Variants in PSMA8 observed in about 807,000 individuals in gnomAD.
PSMA8 encodes the protein proteasome 20S subunit alpha 8.
Under a neutral mutation model 32.4 loss-of-function variants are expected in PSMA8, and 18 were observed. The ratio of observed to expected loss-of-function variants is 0.56; its 90% CI spans 0.38 to 0.82. The LOEUF (loss-of-function observed/expected upper bound fraction) is 0.82, where lower values mean the gene tolerates loss of function less well. Among genes scored for constraint, PSMA8 ranks in the 40% least tolerant of loss-of-function variants. The pLI, the probability that PSMA8 is intolerant of heterozygous loss-of-function variation, is 0.00. For synonymous variants in PSMA8, 104 were observed against 98.1 expected (o/e 1.06, Z -0.36); for missense variants, 298 against 300.7 (o/e 0.99, Z 0.07).
intron 4 of PSMA8, among the ~76,000 whole-genome samples, chr18:26,171,482 C>T (rs1260857779): frequency 1.3e-5 from 2 of 152,094 alleles, no homozygotes; most frequent in Non-Finnish European, 1.5e-5. Context: ...GCCTGTAATC[C>T]CAGCACTTTG....
chr18:26,189,041 G>GT, intron 6 of PSMA8, among the ~76,000 whole-genome samples: 1 of 152,090 alleles, frequency 6.6e-6, no homozygotes, highest in East Asian at 1.9e-4. Flanking sequence ...AATCAACAAA[G>GT]TGAGGTGACA....
chr18:26,186,369 A>G (rs1283086516), intron 6 of PSMA8, among the ~76,000 whole-genome samples: 1 of 144,154 alleles, frequency 6.9e-6, no homozygotes, highest in Non-Finnish European at 1.5e-5. Flanking sequence ...CTGTTTTCTT[A>G]TCTGTGGATT....
intron 6 of PSMA8, among the ~76,000 whole-genome samples, chr18:26,182,691 A>G (rs892945166): frequency 1.3e-5 from 2 of 152,252 alleles, no homozygotes; most frequent in African/African-American, 4.8e-5. Context: ...ATGGCCAGGC[A>G]TAGTGGCTCA....
intron 6 of PSMA8, among the ~76,000 whole-genome samples, chr18:26,188,674 C>A (rs1165241824): frequency 6.6e-6 from 1 of 151,872 alleles, no homozygotes; most frequent in East Asian, 1.9e-4. Context: ...AATGGAGATC[C>A]CAGAAACAAA....
At chr18:26,134,369 G>C (rs375646235) in intron 1 of PSMA8, among the ~76,000 whole-genome samples, 47 of 129,556 alleles carry the variant, frequency 3.6e-4, no homozygotes, top group East Asian at 1.4e-3. Flanking sequence ...GTGTGTCTCT[G>C]TGTGTGTGTG....
intron 6 of PSMA8, among the ~76,000 whole-genome samples, chr18:26,181,742 T>C (rs2055313010): frequency 6.6e-6 from 1 of 151,902 alleles, no homozygotes; most frequent in South Asian, 2.1e-4. Flanking sequence ...CTGGCCAACA[T>C]GGCAAAACCT....
rs146177512 is a variant in PSMA8, at chr18:26,150,389, G to A, written c.230-1469G>A. ...TTTCACTTTGTCACCCCCAGTGGGAGTACAGTGGCACGATCATAGCTCACT... is the reference window on the plus strand; with the variant it reads ...TTTCACTTTGTCACCCCCAGTGGGAATACAGTGGCACGATCATAGCTCACT... On this transcript the variant is annotated intron_variant, in intron 2 of 6. Transcript: ENST00000415576. Among the ~76,000 whole-genome samples, 1,021 of 151,356 alleles carry A rather than the reference G, an allele frequency of 6.7e-3. 6 individuals carry two copies. The highest frequency in any genetic ancestry group is 1.0e-2 in the Non-Finnish European group (676 of 67,926).
In PSMA8 at chr18:26,166,671, C is replaced by T. The variant is rs76970061; in HGVS notation, c.477+8427C>T. Among the ~76,000 whole-genome samples the T allele has an allele frequency of 5.2e-3, 792 of 152,186 alleles. 5 individuals are homozygous for T. Among genetic ancestry groups the T allele is most frequent in the African/African-American group, 0.018 (731 of 41,514 alleles). ...GCAAGCTAAAACAGCCCATCTTTTACGGAACTTCATTTTTACTTGACAAAA... is the reference window on the plus strand; with the variant it reads ...GCAAGCTAAAACAGCCCATCTTTTATGGAACTTCATTTTTACTTGACAAAA... On this transcript the variant is annotated intron_variant, in intron 4 of 6. Transcript: ENST00000415576.
intron 2 of PSMA8, among the ~76,000 whole-genome samples, chr18:26,146,626 G>T (rs923690392): frequency 6.6e-6 from 1 of 152,070 alleles, no homozygotes; most frequent in Non-Finnish European, 1.5e-5. Context: ...AGCTGGGGAT[G>T]GTGGCGTGTG....
At chr18:26,189,677 C>A (rs1257765533) in intron 6 of PSMA8, among the ~76,000 whole-genome samples, 1 of 152,140 alleles carries the variant, frequency 6.6e-6, no homozygotes, top group Non-Finnish European at 1.5e-5. Flanking sequence ...GAAAAGGGAA[C>A]CCTCATACAC....
At chr18:26,171,978 T>C (rs956622864) in intron 4 of PSMA8, among the ~76,000 whole-genome samples, 1 of 152,176 alleles carries the variant, frequency 6.6e-6, no homozygotes, top group African/African-American at 2.4e-5. Flanking sequence ...TATGGCCTGG[T>C]TGAATGCTGT....
intron 1 of PSMA8, among the ~76,000 whole-genome samples, chr18:26,136,640 G>T (rs1393036477): frequency 2.0e-5 from 3 of 152,124 alleles, no homozygotes; most frequent in Admixed American, 6.5e-5. Flanking sequence ...TGTCTTTTCT[G>T]AATTTATAAT....
At chr18:26,162,304 TC>T (rs1159412159) in intron 4 of PSMA8, among the ~76,000 whole-genome samples, 2 of 152,112 alleles carry the variant, frequency 1.3e-5, no homozygotes, top group African/African-American at 2.4e-5. Context: ...CTAACAACTT[TC>T]CATCCCCTTT....
At chr18:26,138,129 C>T (rs1197658199) in intron 1 of PSMA8, among the ~76,000 whole-genome samples, 1 of 152,152 alleles carries the variant, frequency 6.6e-6, no homozygotes, top group Non-Finnish European at 1.5e-5. Flanking sequence ...AATGAGAGAC[C>T]TTGAAGTGTT....
intron 4 of PSMA8, among the ~76,000 whole-genome samples, chr18:26,164,929 G>GT (rs1347323733): frequency 1.3e-5 from 2 of 151,790 alleles, no homozygotes; most frequent in African/African-American, 4.8e-5. Context: ...GTTTTGTTTT[G>GT]TTTTTTGAGA....
intron 6 of PSMA8, among the ~76,000 whole-genome samples, chr18:26,184,422 C>T (rs11874776): frequency 0.24 from 36,088 of 150,152 alleles, 9,373 homozygotes; most frequent in African/African-American, 0.61. Context: ...AGTAGTAATA[C>T]TAAGCACTCT....
chr18:26,140,010 A>G (rs78628370), intron 1 of PSMA8: 2 of 700,978 alleles, frequency 2.9e-6, no homozygotes, highest in South Asian at 3.0e-5. Flanking sequence ...CAAGAAATTC[A>G]TAGATCTCCA....
At chr18:26,178,398 C>T (rs938773928) in intron 4 of PSMA8, among the ~76,000 whole-genome samples, 2 of 152,016 alleles carry the variant, frequency 1.3e-5, no homozygotes, top group Non-Finnish European at 2.9e-5. Flanking sequence ...TCACTTGAGG[C>T]CAGGAGTTTG....
At chr18:26,157,298 A>G (rs1315963235) in intron 3 of PSMA8, among the ~76,000 whole-genome samples, 3 of 151,878 alleles carry the variant, frequency 2.0e-5, no homozygotes, top group Admixed American at 2.0e-4. Flanking sequence ...CATACCTATA[A>G]TCCCAGCACT....
Sources: allele counts gnomAD v4.1 joint callset (sites outside exome capture counted in the v4.1 genomes callset), GRCh38; gene constraint gnomAD v4.1.1; transcripts MANE v1.5; gene names NCBI Gene and HGNC (gene_info 2026-07-23, HGNC 2026-07-21).